The following SNAP91 variants were observed in gnomAD, a reference collection of about 807,000 sequenced individuals.
The protein encoded by SNAP91 is synaptosome associated protein 91, also known as clathrin coat assembly protein AP180.
SNAP91 carries 27 observed loss-of-function variants against 100.3 expected under a neutral mutation model. The observed-to-expected ratio is 0.27, with a 90% CI of 0.20 to 0.37. The LOEUF is 0.37. Ranked by LOEUF, SNAP91 falls within the 10% of genes least tolerant of loss-of-function variation. The probability of loss-of-function intolerance (pLI) is 1.00; values close to 1 mark genes in which losing one functional copy is unlikely to be tolerated. For missense variants in SNAP91, 986 were observed against 1,123.7 expected (o/e 0.88, Z 1.75); for synonymous variants, 404 against 398.6 (o/e 1.01, Z -0.16).
intron 11 of SNAP91, among the ~76,000 whole-genome samples, chr6:83,611,863 A>ATTTTTTTTTTTTTTTT (rs750966269): frequency 1.1e-5 from 1 of 91,250 alleles, no homozygotes; most frequent in Admixed American, 1.3e-4. Flanking sequence ...CGCCCGGCTA[A>ATTTTTTTTTTTTTTTT]TTTTTTTTTT....
At chr6:83,698,427 A>C (rs2099250556) in intron 2 of SNAP91, among the ~76,000 whole-genome samples, 1 of 152,024 alleles carries the variant, frequency 6.6e-6, no homozygotes, top group South Asian at 2.1e-4. Flanking sequence ...AGTGGCTTAG[A>C]GTCTTAGATT....
chr6:83,683,799 G>C (rs767163157), intron 2 of SNAP91, among the ~76,000 whole-genome samples: 1 of 152,078 alleles, frequency 6.6e-6, no homozygotes, highest in African/African-American at 2.4e-5. Context: ...TTTTCAAACC[G>C]ACTTTGCCTA....
At chr6:83,630,635 G>T (rs2097169000) in intron 8 of SNAP91, among the ~76,000 whole-genome samples, 1 of 152,056 alleles carries the variant, frequency 6.6e-6, no homozygotes, top group Non-Finnish European at 1.5e-5. Context: ...GTGTAAAGGT[G>T]TTCATAGTAG....
At chr6:83,704,873 C>T (rs2099358970) in intron 2 of SNAP91, among the ~76,000 whole-genome samples, 1 of 152,138 alleles carries the variant, frequency 6.6e-6, no homozygotes, top group Admixed American at 6.5e-5. Flanking sequence ...AAAACTAAAA[C>T]ACCAACTACT....
At chr6:83,565,101 T>C (rs926825433) in intron 26 of SNAP91, among the ~76,000 whole-genome samples, 1 of 151,538 alleles carries the variant, frequency 6.6e-6, no homozygotes, top group Non-Finnish European at 1.5e-5. Flanking sequence ...AAGGATGTTA[T>C]AGGGTAGCAG....
chr6:83,556,022 C>T (rs139423331), intron 29 of SNAP91, 121 bp downstream of exon 29: 109 of 432,938 alleles, frequency 2.5e-4, no homozygotes, highest in African/African-American at 1.9e-3. Flanking sequence ...AGTATAAACA[C>T]TCAAATTATT....
chr6:83,643,247 C>G (rs1282823416), intron 7 of SNAP91, among the ~76,000 whole-genome samples: 11 of 152,166 alleles, frequency 7.2e-5, no homozygotes, highest in South Asian at 6.2e-4. Flanking sequence ...TGGTGTTTTA[C>G]ACATGAAGTC....
At chr6:83,563,915 T>C (rs942245676) in intron 26 of SNAP91, among the ~76,000 whole-genome samples, 5 of 152,194 alleles carry the variant, frequency 3.3e-5, no homozygotes, top group South Asian at 2.1e-4. Context: ...AACATTAAGA[T>C]GGCAATAATC....
rs752232664 is a variant in SNAP91, at chr6:83,607,740, C to T, written c.981G>A (p.Pro327=). The T allele has an allele frequency of 2.8e-5, 44 of 1,594,220 alleles. 2 individuals carry two copies. The Admixed American group carries it at 4.4e-4, about 16-fold the overall frequency. Residue 327 remains proline (P), a synonymous_variant, in exon 13 of 30, where the codon CCG becomes CCA. Transcript: ENST00000369694. The stretch of plus-strand genomic sequence containing the variant: ...CAGATGCAGTTGCAAATAAATCAAC[C>T]GGTGGGGATGTGTCAATAGTTTTAG... ...TPAKTIDTSP[P]VDLFATASAA...
intron 14 of SNAP91, among the ~76,000 whole-genome samples, chr6:83,604,276 C>T (rs376688380): frequency 6.6e-6 from 1 of 152,172 alleles, no homozygotes; most frequent in Non-Finnish European, 1.5e-5. Context: ...CTTATAAAAT[C>T]TCTTTAGCAA....
At chr6:83,697,411 A>T (rs2099232814) in intron 2 of SNAP91, among the ~76,000 whole-genome samples, 1 of 151,510 alleles carries the variant, frequency 6.6e-6, no homozygotes, top group South Asian at 2.1e-4. Context: ...TAACCATCTA[A>T]TATCTAACAG....
At chr6:83,615,373 G>A (rs1459916237) in intron 10 of SNAP91, among the ~76,000 whole-genome samples, 2 of 152,168 alleles carry the variant, frequency 1.3e-5, no homozygotes, top group African/African-American at 4.8e-5. Flanking sequence ...TTTAGCGGAT[G>A]TACATATTTC....
At chr6:83,690,420 AAAG>A (rs1237882625) in intron 2 of SNAP91, 2 of 1,288,576 alleles carry the variant, frequency 1.6e-6, no homozygotes, top group South Asian at 1.2e-5. Context: ...GCACTTGTTG[AAAG>A]AAGGTTTGTA....
intron 2 of SNAP91, among the ~76,000 whole-genome samples, chr6:83,682,959 T>C (rs988577578): frequency 6.6e-6 from 1 of 152,058 alleles, no homozygotes; most frequent in Non-Finnish European, 1.5e-5. Context: ...AGCTAGCCTC[T>C]GGAAGCCTCT....
rs775959277 is a variant in SNAP91, at chr6:83,560,137, G to C, written c.2598C>G (p.Pro866=). ...CAGGTACAGCGGCAGCTCCAAAGGGGGGCCTCATCATGGGCTGTGCAAACA... is the reference window on the plus strand; with the variant it reads ...CAGGTACAGCGGCAGCTCCAAAGGGCGGCCTCATCATGGGCTGTGCAAACA... ...PVMFAQPMMR[P]PFGAAAVPGT... The change falls in exon 28 of 30, where the codon CCC becomes CCG. Residue 866 remains proline, a synonymous_variant. Transcript: ENST00000369694. 1 of 1,613,902 alleles carries C rather than the reference G, an allele frequency of 6.2e-7. No homozygotes were observed. Among genetic ancestry groups the C allele is most frequent in the Admixed American group, 1.7e-5 (1 of 59,986 alleles).
At chr6:83,667,431 G>A (rs1443602742) in intron 2 of SNAP91, among the ~76,000 whole-genome samples, 1 of 151,942 alleles carries the variant, frequency 6.6e-6, no homozygotes, top group Non-Finnish European at 1.5e-5. Flanking sequence ...AGATATAAAT[G>A]CTGGTCTTTT....
chr6:83,576,202 T>C (rs1729123873), intron 24 of SNAP91, 149 bp from the exon 25 acceptor site: 3 of 466,476 alleles, frequency 6.4e-6, no homozygotes, highest in Admixed American at 4.4e-5. Flanking sequence ...AAAGAAACTA[T>C]ATTAGGAAAT....
chr6:83,708,753 G>C (rs2099415098), intron 1 of SNAP91, 92 bp downstream of exon 1: 1 of 152,060 alleles, frequency 6.6e-6, no homozygotes, highest in African/African-American at 2.4e-5. Flanking sequence ...TCACTCGGCC[G>C]CTGCCCTTCT....
intron 12 of SNAP91, 64 bp downstream of exon 12, chr6:83,610,586 C>A: frequency 3.5e-6 from 2 of 566,488 alleles, no homozygotes; most frequent in East Asian, 3.0e-5. Flanking sequence ...GAACTGTACA[C>A]TTTATGATGG....
Sources: gnomAD v4.1 joint callset for allele counts (sites outside exome capture counted in the v4.1 genomes callset) on GRCh38, gnomAD v4.1.1 for gene constraint, MANE v1.5 for transcripts, NCBI Gene and HGNC (gene_info 2026-07-23, HGNC 2026-07-21) for gene names.